The following ATP9B variants were observed in gnomAD, a reference collection of about 807,000 sequenced individuals.
The protein encoded by ATP9B is probable phospholipid-transporting ATPase IIB.
ATP9B carries 110 observed loss-of-function variants against 146.1 expected under a neutral mutation model. The ratio of observed to expected loss-of-function variants is 0.75; its 90% CI spans 0.65 to 0.88. The LOEUF (loss-of-function observed/expected upper bound fraction) is 0.88, where lower values mean the gene tolerates loss of function less well. Among genes scored for constraint, ATP9B ranks in the 40% least tolerant of loss-of-function variants. The probability of loss-of-function intolerance (pLI) is 0.00; values close to 1 mark genes in which losing one functional copy is unlikely to be tolerated. For missense variants in ATP9B, 1,499 were observed against 1,496.4 expected, an observed-to-expected ratio of 1.00 and a Z score of -0.03; for synonymous variants, 604 against 569.7, an observed-to-expected ratio of 1.06 and a Z score of -0.86.
intron 7 of ATP9B, among the ~76,000 whole-genome samples, chr18:79,162,883 G>A (rs1306102770): frequency 2.0e-5 from 3 of 152,072 alleles, no homozygotes; most frequent in African/African-American, 7.2e-5. Flanking sequence ...CTCGTGCTCC[G>A]ACGGTGTCCT....
chr18:79,374,712 T>C (rs1296857101), intron 28 of ATP9B, among the ~76,000 whole-genome samples: 1 of 152,236 alleles, frequency 6.6e-6, no homozygotes, highest in African/African-American at 2.4e-5. Flanking sequence ...AAATGTGAAA[T>C]GTTCCTGTTC....
intron 6 of ATP9B, among the ~76,000 whole-genome samples, chr18:79,152,440 G>A (rs1402513694): frequency 6.6e-6 from 1 of 151,978 alleles, no homozygotes; most frequent in Admixed American, 6.6e-5. Context: ...TTATATATGC[G>A]TTGCAGATAT....
intron 20 of ATP9B, 72 bp downstream of exon 20, chr18:79,342,438 C>A: frequency 9.7e-7 from 1 of 1,032,278 alleles, no homozygotes; most frequent in Non-Finnish European, 1.4e-6. Flanking sequence ...TTGTTTTTGT[C>A]AGAATATATA....
intron 1 of ATP9B, chr18:79,086,120 AG>A (rs2073801074): frequency 6.6e-6 from 1 of 151,770 alleles, no homozygotes; most frequent in Non-Finnish European, 1.5e-5. Flanking sequence ...ACATTTTCTT[AG>A]GGGGTCTATA....
At chr18:79,212,057 T>A (rs9961164) in intron 10 of ATP9B, among the ~76,000 whole-genome samples, 19,597 of 152,200 alleles carry the variant, frequency 0.13, 1,380 homozygotes, top group East Asian at 0.18. Flanking sequence ...TTAATCCCTT[T>A]CCTCTGTTTT....
intron 13 of ATP9B, among the ~76,000 whole-genome samples, chr18:79,286,768 C>A (rs1347159182): frequency 1.3e-5 from 2 of 152,086 alleles, no homozygotes; most frequent in Non-Finnish European, 2.9e-5. Context: ...TCATAGATAG[C>A]TCTTATTATT....
chr18:79,354,842 G>A (rs1001903379), intron 25 of ATP9B, among the ~76,000 whole-genome samples: 1 of 152,184 alleles, frequency 6.6e-6, no homozygotes. Context: ...AAGTCCCAGC[G>A]AGGTCCCAGC....
At chr18:79,337,479 G>T in intron 19 of ATP9B, 30 bp downstream of exon 19, 1 of 1,590,254 alleles carries the variant, frequency 6.3e-7, no homozygotes, top group East Asian at 2.2e-5. Context: ...GCTGGCGCGC[G>T]CTGCTTTTGC....
intron 7 of ATP9B, among the ~76,000 whole-genome samples, chr18:79,157,408 A>C (rs1233536913): frequency 6.8e-6 from 1 of 148,050 alleles, no homozygotes; most frequent in African/African-American, 2.5e-5. Context: ...AAAAAAAAAA[A>C]AAAAAAAAAA....
intron 1 of ATP9B, among the ~76,000 whole-genome samples, chr18:79,095,130 T>C (rs937003495): frequency 6.6e-6 from 1 of 152,168 alleles, no homozygotes; most frequent in Non-Finnish European, 1.5e-5. Flanking sequence ...TGCTTATGTG[T>C]TTGATTCCTA....
intron 8 of ATP9B, among the ~76,000 whole-genome samples, chr18:79,191,760 C>T (rs968173278): frequency 6.6e-6 from 1 of 152,200 alleles, no homozygotes; most frequent in Non-Finnish European, 1.5e-5. Flanking sequence ...TTGAAATTCT[C>T]ATTTCTTAAT....
At chr18:79,167,190 G>C (rs1436820064) in intron 7 of ATP9B, among the ~76,000 whole-genome samples, 2 of 152,170 alleles carry the variant, frequency 1.3e-5, no homozygotes, top group Non-Finnish European at 2.9e-5. Flanking sequence ...AAGGCGAATG[G>C]CAGGGCGTGT....
At chr18:79,197,888 G>T (rs917239767) in intron 9 of ATP9B, among the ~76,000 whole-genome samples, 31 of 152,122 alleles carry the variant, frequency 2.0e-4, no homozygotes, top group African/African-American at 7.5e-4. Flanking sequence ...TAAAATCTAC[G>T]AGAACGGATT....
chr18:79,200,735 G>T (rs376025560), intron 9 of ATP9B, among the ~76,000 whole-genome samples: 24 of 152,194 alleles, frequency 1.6e-4, no homozygotes, highest in South Asian at 1.2e-3. Context: ...GGGACTGTCG[G>T]GGTCAGAGCA....
intron 9 of ATP9B, among the ~76,000 whole-genome samples, chr18:79,199,899 A>T (rs1350950260): frequency 6.6e-6 from 1 of 152,170 alleles, no homozygotes; most frequent in African/African-American, 2.4e-5. Context: ...ACAGGCAGGG[A>T]TTTGTCCCAG....
chr18:79,355,585 T>C (rs1452502733), intron 25 of ATP9B, among the ~76,000 whole-genome samples: 1 of 151,186 alleles, frequency 6.6e-6, no homozygotes, highest in Non-Finnish European at 1.5e-5. Flanking sequence ...TGAAAAAAAA[T>C]GGATCAGAGC....
At chr18:79,366,730 G>C (rs2097031709) in intron 26 of ATP9B, among the ~76,000 whole-genome samples, 1 of 152,218 alleles carries the variant, frequency 6.6e-6, no homozygotes, top group South Asian at 2.1e-4. Context: ...CAGTGTTGCA[G>C]ATTATGCGGA....
At chr18:79,156,225 T>C (rs28687187) in intron 7 of ATP9B, among the ~76,000 whole-genome samples, 20,526 of 152,196 alleles carry the variant, frequency 0.13, 1,470 homozygotes, top group East Asian at 0.2. Flanking sequence ...TTCCCAACTG[T>C]GGCAGGGACT....
rs867156493 is a variant in ATP9B at position 79,372,850 on chromosome 18, T to C, written c.3038T>C (p.Phe1013Ser). Residue 1013 changes from phenylalanine (F) to serine (S), a missense_variant, in exon 27 of 30, where the codon TTC (phenylalanine) becomes TCC (serine). Transcript: ENST00000426216. ...TKGRSLSFKT[F>S]LIWVLISIYQ... ...GGAAGATCCTTGTCCTTCAAAACCT[T>C]CCTCATCTGGGTTTTAATAAGTATT... 1 of 1,611,916 alleles carries C rather than the reference T, an allele frequency of 6.2e-7. No homozygotes were observed. The highest frequency in any genetic ancestry group is 2.2e-5 in the East Asian group (1 of 44,894).
Sources: allele counts gnomAD v4.1 joint callset (sites outside exome capture counted in the v4.1 genomes callset), GRCh38; gene constraint gnomAD v4.1.1; transcripts MANE v1.5; gene names NCBI Gene and HGNC (gene_info 2026-07-23, HGNC 2026-07-21).